The following GARIN6 variants were observed in gnomAD, a reference collection of about 807,000 sequenced individuals.
GARIN6 encodes the protein golgi associated RAB2 interactor family member 6.
At chr12:99,649,369 AC>A in the GARIN6 span, 1 of 1,614,128 alleles carries the variant, frequency 6.2e-7, no homozygotes, top group East Asian at 2.2e-5. Context: ...GTTTGGGTCC[AC>A]CTATTGTGAT....
At chr12:99,649,544 C>T in the GARIN6 span, 2 of 631,262 alleles carry the variant, frequency 3.2e-6, no homozygotes, top group Non-Finnish European at 5.5e-6. Flanking sequence ...GATGTGGCTG[C>T]AACCAAGTCT....
the GARIN6 span, chr12:99,649,407 T>C: frequency 6.3e-7 from 1 of 1,597,828 alleles, no homozygotes; most frequent in African/African-American, 1.3e-5. Context: ...GAATCCAACA[T>C]ACCTCCCACA....
the GARIN6 span, chr12:99,649,346 T>C: frequency 6.2e-7 from 1 of 1,614,186 alleles, no homozygotes; most frequent in South Asian, 1.1e-5. Context: ...AGACTTCACA[T>C]GAATGCTGAA....
At chr12:99,647,785 A>T in the GARIN6 span, 1 of 212,520 alleles carries the variant, frequency 4.7e-6, no homozygotes, top group Admixed American at 5.2e-5. Context: ...GAAGAAGAGC[A>T]GTGGGATTGC....
At chr12:99,648,295 A>G in the GARIN6 span, 1 of 1,614,214 alleles carries the variant, frequency 6.2e-7, no homozygotes, top group Middle Eastern at 1.6e-4. Context: ...TACTATATTC[A>G]GGTATGCACC....
At chr12:99,648,445 C>A in the GARIN6 span, 6 of 1,614,038 alleles carry the variant, frequency 3.7e-6, no homozygotes, top group Non-Finnish European at 5.1e-6. Context: ...GCTGGCCCGA[C>A]CAGCTGCTGT....
the GARIN6 span, chr12:99,649,219 G>A: frequency 1.7e-6 from 2 of 1,206,284 alleles, no homozygotes; most frequent in Non-Finnish European, 2.4e-6. Flanking sequence ...TCTTTTTGTT[G>A]TTTACCTATA....
At chr12:99,648,769 G>A in the GARIN6 span, 4 of 1,612,084 alleles carry the variant, frequency 2.5e-6, no homozygotes, top group Admixed American at 6.7e-5. Context: ...TGTGTTGGAG[G>A]AAGTGCAGAG....
chr12:99,649,333 A>G, the GARIN6 span: 1 of 1,614,214 alleles, frequency 6.2e-7, no homozygotes. Flanking sequence ...ATTCAGAATC[A>G]GTAGACTTCA....
the GARIN6 span, chr12:99,648,832 G>A: frequency 6.4e-7 from 1 of 1,568,910 alleles, no homozygotes; most frequent in African/African-American, 1.4e-5. Flanking sequence ...ATGCTTTGGG[G>A]GAGAGCAGGT....
the GARIN6 span, among the ~76,000 whole-genome samples, chr12:99,649,101 C>T: frequency 6.6e-6 from 1 of 152,232 alleles, no homozygotes; most frequent in African/African-American, 2.4e-5. Context: ...TTCTGAAACA[C>T]ATACTATGAC....
chr12:99,648,064 C>T, the GARIN6 span: 12 of 1,447,178 alleles, frequency 8.3e-6, no homozygotes, highest in African/African-American at 1.4e-5. Flanking sequence ...GCCTGCAGAA[C>T]ACGACTGCTG....
the GARIN6 span, chr12:99,649,309 G>A: frequency 6.2e-7 from 1 of 1,614,110 alleles, no homozygotes; most frequent in East Asian, 2.2e-5. Flanking sequence ...GAAGTTTTGT[G>A]AAGAGAAGGA....
the GARIN6 span, chr12:99,649,170 G>A: frequency 1.3e-6 from 1 of 799,016 alleles, no homozygotes. Flanking sequence ...TATATACATT[G>A]GTGGCAACAC....
At chr12:99,649,225 C>T in the GARIN6 span, 1 of 1,250,076 alleles carries the variant, frequency 8.0e-7, no homozygotes, top group Non-Finnish European at 1.2e-6. Flanking sequence ...TGTTGTTTAC[C>T]TATAGGAAGA....
the GARIN6 span, chr12:99,649,202 A>G: frequency 1.9e-6 from 2 of 1,032,138 alleles, no homozygotes; most frequent in Admixed American, 3.6e-5. Context: ...GTACTTGTGC[A>G]ATAATTTCTT....
chr12:99,648,006 C>A, the GARIN6 span: 1 of 913,934 alleles, frequency 1.1e-6, no homozygotes, highest in Non-Finnish European at 1.6e-6. Flanking sequence ...GGTTGGTAAT[C>A]AATACCCCAC....
chr12:99,648,121 T>C, the GARIN6 span: 4 of 1,566,044 alleles, frequency 2.6e-6, no homozygotes, highest in South Asian at 4.7e-5. Flanking sequence ...CGCTAAAGCA[T>C]GTTAAGGAAG....
At chr12:99,647,906 G>C in the GARIN6 span, 31 of 436,862 alleles carry the variant, frequency 7.1e-5, no homozygotes, top group Non-Finnish European at 1.1e-4. Context: ...GGACATCCAC[G>C]AGGGCCCCAA....
Sources: gnomAD v4.1 joint callset for allele counts (sites outside exome capture counted in the v4.1 genomes callset) on GRCh38, gnomAD v4.1.1 for gene constraint, MANE v1.5 for transcripts, NCBI Gene and HGNC (gene_info 2026-07-23, HGNC 2026-07-21) for gene names.